The following RNF168 variants were observed in gnomAD, a reference collection of about 807,000 sequenced individuals.
RNF168 encodes the protein E3 ubiquitin-protein ligase RNF168.
A neutral mutation model predicts 34.9 loss-of-function variants in RNF168; 34 were observed. That is an observed-to-expected ratio of 0.97 (90% confidence interval 0.74 to 1.30). The LOEUF (loss-of-function observed/expected upper bound fraction) is 1.30. Ranked by LOEUF, RNF168 falls within the 50% of genes most tolerant of loss-of-function variation. RNF168 has a pLI of 0.00. For synonymous variants in RNF168, 264 were observed against 254.7 expected (o/e 1.04, Z -0.35); for missense variants, 725 against 682.5 (o/e 1.06, Z -0.69).
At chr3:196,495,744 C>A (rs908838092) in intron 1 of RNF168, among the ~76,000 whole-genome samples, 4 of 152,166 alleles carry the variant, frequency 2.6e-5, no homozygotes, top group African/African-American at 4.8e-5. Context: ...CTATATGAGT[C>A]CTCCGTTCTC....
intron 1 of RNF168, among the ~76,000 whole-genome samples, chr3:196,493,588 C>A (rs1297120459): frequency 1.3e-5 from 2 of 152,056 alleles, no homozygotes; most frequent in African/African-American, 4.8e-5. Context: ...TACAATGGCG[C>A]AATCTCAGGT....
At chr3:196,493,375 G>A (rs190838750) in intron 1 of RNF168, among the ~76,000 whole-genome samples, 10 of 152,190 alleles carry the variant, frequency 6.6e-5, no homozygotes, top group Admixed American at 4.6e-4. Flanking sequence ...TTTGTTTTTG[G>A]AAACAAGATC....
intron 1 of RNF168, among the ~76,000 whole-genome samples, chr3:196,493,969 G>A (rs1315443080): frequency 6.7e-6 from 1 of 150,010 alleles, no homozygotes; most frequent in Admixed American, 6.7e-5. Flanking sequence ...GCTACTGCCT[G>A]AGCCTCCCAT....
At chr3:196,480,515 G>C (rs114635818) in intron 4 of RNF168, among the ~76,000 whole-genome samples, 3,234 of 152,330 alleles carry the variant, frequency 0.021, 131 homozygotes, top group African/African-American at 0.074. Context: ...TGAAAAGTTG[G>C]AATTCTGATT....
chr3:196,497,081 G>C (rs141262316), intron 1 of RNF168, among the ~76,000 whole-genome samples: 118 of 152,158 alleles, frequency 7.8e-4, no homozygotes, highest in Non-Finnish European at 1.2e-3. Context: ...GGGAGGCAGA[G>C]GATGTAGTGA....
intron 3 of RNF168, among the ~76,000 whole-genome samples, chr3:196,485,340 G>T (rs13084212): frequency 0.64 from 96,386 of 151,660 alleles, 31,586 homozygotes; most frequent in African/African-American, 0.74. Flanking sequence ...AAACCCCATC[G>T]GCACTAAAAA....
chr3:196,488,502 A>G (rs760089909), intron 2 of RNF168, 105 bp downstream of exon 2: 1 of 675,108 alleles, frequency 1.5e-6, no homozygotes, highest in Non-Finnish European at 2.6e-6. Flanking sequence ...AATTATCCAT[A>G]TTTCAAGATA....
In RNF168 at chr3:196,472,449, T is replaced by C. The variant is rs780292552; in HGVS notation, c.1086A>G (p.Thr362=). ...CACCTGTGTTGTTTCCATTTGTCTG[T>C]GTCACCCCTGATGTGGGGGCGCACC... ...ESGCAPTSGV[T]QTNGNNTGET... is the part of the protein sequence containing the mutation. The change falls in exon 6 of 6, where the codon ACA becomes ACG. Residue 362 remains threonine (T), a synonymous_variant. Transcript: ENST00000318037. The C allele has an allele frequency of 6.2e-7, 1 of 1,614,026 alleles. No homozygotes were observed. Among genetic ancestry groups the C allele is most frequent in the Non-Finnish European group, 8.5e-7 (1 of 1,179,922 alleles).
intron 1 of RNF168, among the ~76,000 whole-genome samples, chr3:196,499,320 AG>A (rs1180686074): frequency 6.6e-6 from 1 of 152,124 alleles, no homozygotes; most frequent in Admixed American, 6.5e-5. Flanking sequence ...GCTAAGGAGA[AG>A]GGCACGGAAC....
At chr3:196,482,545 ACTTT>A (rs1732322816) in intron 4 of RNF168, among the ~76,000 whole-genome samples, 1 of 152,132 alleles carries the variant, frequency 6.6e-6, no homozygotes, top group Non-Finnish European at 1.5e-5. Flanking sequence ...CCACGATACC[ACTTT>A]ACATTCCTAC....
intron 1 of RNF168, among the ~76,000 whole-genome samples, chr3:196,491,543 G>A (rs190477949): frequency 6.5e-4 from 99 of 151,674 alleles, no homozygotes; most frequent in African/African-American, 2.4e-3. Context: ...CTACTCGAGA[G>A]GCTGACACAG....
At chr3:196,487,354 A>G (rs749450389) in intron 3 of RNF168, 45 bp downstream of exon 3, 1 of 1,508,162 alleles carries the variant, frequency 6.6e-7, no homozygotes. Flanking sequence ...GCAGCAGCGC[A>G]TACCAAGGGA....
intron 1 of RNF168, among the ~76,000 whole-genome samples, chr3:196,495,160 C>T (rs1461620737): frequency 6.7e-6 from 1 of 149,448 alleles, no homozygotes; most frequent in Non-Finnish European, 1.5e-5. Context: ...AGTTTTTAAA[C>T]TGCCACATTG....
Position 196,503,425 on chromosome 3 carries a change from A to C in RNF168, c.-252T>G. 1 of 519,944 alleles carries C rather than the reference A, an allele frequency of 1.9e-6. No homozygotes were observed. 32.2% of individuals were successfully genotyped at this position (519,944 alleles called of 1,614,324 possible). On this transcript the variant is annotated 5_prime_UTR_variant, in exon 1 of 6. It adds an upstream start codon to the 5' untranslated region. Transcript: ENST00000318037. ...AAGGCAAACGTCCCGCCAGCAAATA[A>C]ATGCAGGTTTTCGTCGGAGGAGCCT...
At chr3:196,478,646 CTTTT>C (rs376337663) in intron 4 of RNF168, among the ~76,000 whole-genome samples, 4 of 151,974 alleles carry the variant, frequency 2.6e-5, no homozygotes, top group African/African-American at 9.7e-5. Flanking sequence ...AATACACACT[CTTTT>C]TGATTTTGTT....
At chr3:196,474,291 ATTT>A (rs71694194) in intron 5 of RNF168, among the ~76,000 whole-genome samples, 7 of 135,370 alleles carry the variant, frequency 5.2e-5, no homozygotes, top group Non-Finnish European at 4.7e-5. Context: ...CACCTGGCTA[ATTT>A]TTTTTTTTTT....
At chr3:196,480,599 T>C (rs554459664) in intron 4 of RNF168, among the ~76,000 whole-genome samples, 24 of 152,342 alleles carry the variant, frequency 1.6e-4, no homozygotes, top group Non-Finnish European at 2.8e-4. Context: ...TTCTAACCCA[T>C]GAATATTGTA....
At chr3:196,494,678 T>C (rs1449582741) in intron 1 of RNF168, among the ~76,000 whole-genome samples, 9 of 152,144 alleles carry the variant, frequency 5.9e-5, no homozygotes, top group Non-Finnish European at 1.5e-5. Flanking sequence ...GCATATGATT[T>C]GTGAAGCAGT....
intron 4 of RNF168, among the ~76,000 whole-genome samples, chr3:196,481,962 C>CT (rs1270244249): frequency 0.011 from 1,477 of 134,924 alleles, 28 homozygotes; most frequent in African/African-American, 0.03. Context: ...CTGTCCCTGG[C>CT]TTTTTTTTTT....
Sources: allele counts gnomAD v4.1 joint callset (sites outside exome capture counted in the v4.1 genomes callset), GRCh38; gene constraint gnomAD v4.1.1; transcripts MANE v1.5; gene names NCBI Gene and HGNC (gene_info 2026-07-23, HGNC 2026-07-21).